CPM: variants seen among roughly 807,000 people sequenced by gnomAD.
CPM encodes carboxypeptidase M, also known as renal carboxypeptidase.
CPM carries 35 observed loss-of-function variants against 46.4 expected under a neutral mutation model. That is an observed-to-expected ratio of 0.75 (90% CI 0.58 to 1.00). The LOEUF is 1.00. Ranked by LOEUF, CPM falls within the 50% of genes least tolerant of loss-of-function variation. CPM has a pLI of 0.00. For missense variants in CPM, 422 were observed against 530.4 expected (o/e 0.80, Z 2.01); for synonymous variants, 195 against 195.3 (o/e 1.00, Z 0.01).
intron 2 of CPM, among the ~76,000 whole-genome samples, chr12:68,904,916 T>C (rs779175309): frequency 7.3e-5 from 9 of 123,458 alleles, no homozygotes; most frequent in Non-Finnish European, 1.6e-4. Context: ...AGAAAAGTGG[T>C]TTTTTTGGGG....
intron 2 of CPM, among the ~76,000 whole-genome samples, chr12:68,928,742 CTTT>C (rs398020021): frequency 1.4e-5 from 2 of 142,136 alleles, no homozygotes; most frequent in African/African-American, 2.6e-5. Context: ...AGACAAGATA[CTTT>C]TTTTTTTTTT....
chr12:68,935,243 ATTGTTTGTTTGT>A (rs67250545), upstream of CPM, among the ~76,000 whole-genome samples: 124 of 148,034 alleles, frequency 8.4e-4, no homozygotes, highest in South Asian at 2.2e-3. Context: ...AAGTTGTTTT[ATTGTTTGTTTGT>A]TTGTTTGTTT....
chr12:68,856,578 TTGGAA>T lies in CPM; in HGVS notation c.1186_1190del (p.Phe396ArgfsTer32), dbSNP rs1251979370. On this transcript the variant is annotated frameshift_variant, in exon 9 of 9. Transcript: ENST00000551568. LOFTEE classifies it high-confidence loss of function. ...ATACTGGGATAGAATCCAATTGCCC[TTGGAA>T]TGGAAGTAGAATATCCTTTTTAAGA... 1 of 1,614,240 alleles carries T rather than the reference TTGGAA, an allele frequency of 6.2e-7. No individual in the cohort carries two copies. The highest frequency in any genetic ancestry group is 1.3e-5 in the African/African-American group (1 of 75,082).
At chr12:68,899,569 A>G (rs1426327564) in intron 2 of CPM, among the ~76,000 whole-genome samples, 1 of 152,210 alleles carries the variant, frequency 6.6e-6, no homozygotes, top group East Asian at 1.9e-4. Flanking sequence ...CCAACTCATC[A>G]CTGTAAGAGG....
intron 1 of CPM, among the ~76,000 whole-genome samples, chr12:68,951,889 C>T (rs1467091000): frequency 6.6e-6 from 1 of 152,252 alleles, no homozygotes; most frequent in East Asian, 1.9e-4. Flanking sequence ...GGACAAAGGG[C>T]AGAAAGGAAG....
rs1162534850 is a variant in CPM at position 68,961,434 on chromosome 12, C to G, written c.-4+1735G>C. Among the ~76,000 whole-genome samples, 4 of 152,056 alleles carry G rather than the reference C, an allele frequency of 2.6e-5. No homozygotes were observed. In the East Asian group the frequency reaches 5.8e-4, roughly 22 times the overall value. On this transcript the variant is annotated intron_variant, in intron 1 of 8. Coordinates refer to the CPM transcript ENST00000546373. Reference sequence around the variant, plus strand: ...GTGCTGGGATTACAGATGCAAGACACAGTGCCCAGCCTAAATTTTTTATTA... The same window carrying G: ...GTGCTGGGATTACAGATGCAAGACAGAGTGCCCAGCCTAAATTTTTTATTA...
At chr12:68,843,093 GTT>G (rs760108963) in intron 5 of CPM, 110 of 198,712 alleles carry the variant, frequency 5.5e-4, no homozygotes, top group Middle Eastern at 1.6e-3. Flanking sequence ...TGTTGTGTGG[GTT>G]TTTTTTTTTT....
intron 2 of CPM, among the ~76,000 whole-genome samples, chr12:68,926,317 T>C (rs1805668419): frequency 6.6e-6 from 1 of 152,160 alleles, no homozygotes; most frequent in Non-Finnish European, 1.5e-5. Flanking sequence ...AATATTTTCC[T>C]TTTTTGTATT....
At chr12:68,955,293 A>C (rs997343440) in intron 1 of CPM, among the ~76,000 whole-genome samples, 1 of 152,146 alleles carries the variant, frequency 6.6e-6, no homozygotes, top group African/African-American at 2.4e-5. Context: ...ATCTTTACGA[A>C]GCTCATTTAA....
intron 3 of CPM, among the ~76,000 whole-genome samples, chr12:68,885,278 A>G (rs1483034655): frequency 6.6e-6 from 1 of 152,184 alleles, no homozygotes; most frequent in African/African-American, 2.4e-5. Flanking sequence ...GGAGAGAATC[A>G]TAAGTGTGAT....
intron 7 of CPM, among the ~76,000 whole-genome samples, chr12:68,861,884 A>G (rs1333753845): frequency 7.3e-6 from 1 of 136,166 alleles, no homozygotes; most frequent in Non-Finnish European, 1.5e-5. Context: ...TCAGGGTACT[A>G]GTAATGAGTA....
intron 1 of CPM, among the ~76,000 whole-genome samples, chr12:68,949,827 C>G (rs1419141964): frequency 6.6e-6 from 1 of 152,124 alleles, no homozygotes; most frequent in Non-Finnish European, 1.5e-5. Flanking sequence ...ATGATGGCAC[C>G]CAGACCTGGT....
intron 7 of CPM, among the ~76,000 whole-genome samples, chr12:68,864,531 T>C (rs1017713775): frequency 1.3e-5 from 2 of 152,262 alleles, no homozygotes; most frequent in African/African-American, 4.8e-5. Context: ...GCAATTTATA[T>C]TGCCCTTTCC....
intron 1 of CPM, among the ~76,000 whole-genome samples, chr12:68,950,744 T>C (rs1272265280): frequency 2.6e-5 from 4 of 152,206 alleles, no homozygotes; most frequent in African/African-American, 7.2e-5. Context: ...TATTTACTCC[T>C]GACTAAGGTG....
intron 1 of CPM, among the ~76,000 whole-genome samples, chr12:68,953,042 A>G (rs79480745): frequency 1.3e-5 from 2 of 152,318 alleles, no homozygotes; most frequent in Non-Finnish European, 2.9e-5. Context: ...ACTGTTTCCC[A>G]AGAAGGTAAT....
chr12:68,938,571 C>A (rs1295446267), intron 1 of CPM, among the ~76,000 whole-genome samples: 1 of 152,108 alleles, frequency 6.6e-6, no homozygotes, highest in Non-Finnish European at 1.5e-5. Flanking sequence ...TCCTTAGGAT[C>A]ATTTCTTAGA....
chr12:68,895,169 A>C (rs1385835834), intron 2 of CPM, among the ~76,000 whole-genome samples: 1 of 151,914 alleles, frequency 6.6e-6, no homozygotes. Context: ...TCTTCTTAGT[A>C]AAGACCTCAG....
intron 2 of CPM, among the ~76,000 whole-genome samples, chr12:68,917,713 A>G (rs895022773): frequency 6.6e-6 from 1 of 152,200 alleles, no homozygotes; most frequent in African/African-American, 2.4e-5. Flanking sequence ...AGACAGTATC[A>G]TTGTTTAAAG....
At chr12:68,919,781 T>C (rs1223343294) in intron 2 of CPM, among the ~76,000 whole-genome samples, 1 of 152,256 alleles carries the variant, frequency 6.6e-6, no homozygotes, top group Non-Finnish European at 1.5e-5. Context: ...ACACTAAGAT[T>C]ATTCATCTGA....
Sources: gnomAD v4.1 joint callset for allele counts (sites outside exome capture counted in the v4.1 genomes callset) on GRCh38, gnomAD v4.1.1 for gene constraint, MANE v1.5 for transcripts, NCBI Gene and HGNC (gene_info 2026-07-23, HGNC 2026-07-21) for gene names.